SPMIP4: variants seen among roughly 807,000 people sequenced by gnomAD.
The protein encoded by SPMIP4 is sperm microtubule inner protein 4.
the SPMIP4 span, among the ~76,000 whole-genome samples, chr7:25,162,958 A>T: frequency 6.6e-6 from 1 of 151,942 alleles, no homozygotes; most frequent in Non-Finnish European, 1.5e-5. Context: ...AGACAGTTTC[A>T]CCATGTTGGC....
At chr7:25,133,848 TATG>T in the SPMIP4 span, among the ~76,000 whole-genome samples, 1 of 152,178 alleles carries the variant, frequency 6.6e-6, no homozygotes, top group African/African-American at 2.4e-5. Flanking sequence ...CTCTATATAT[TATG>T]TTCTTTTGAT....
At chr7:25,179,157 T>A in the SPMIP4 span, 1 of 1,579,494 alleles carries the variant, frequency 6.3e-7, no homozygotes. Flanking sequence ...TGTTTGCTTT[T>A]TCTAGTTTTT....
At chr7:25,165,692 G>A in the SPMIP4 span, among the ~76,000 whole-genome samples, 1 of 152,216 alleles carries the variant, frequency 6.6e-6, no homozygotes, top group Non-Finnish European at 1.5e-5. Context: ...TTTGCTGCAC[G>A]TTGGAATTAT....
At chr7:25,155,606 G>T in the SPMIP4 span, among the ~76,000 whole-genome samples, 1 of 152,182 alleles carries the variant, frequency 6.6e-6, no homozygotes, top group Non-Finnish European at 1.5e-5. Context: ...TCAGCAAAGT[G>T]ATCTCTAACC....
At chr7:25,178,368 T>C in the SPMIP4 span, among the ~76,000 whole-genome samples, 1 of 152,248 alleles carries the variant, frequency 6.6e-6, no homozygotes, top group South Asian at 2.1e-4. Context: ...CTGGGTCAAA[T>C]GGTAATTCTG....
At chr7:25,161,608 T>A in the SPMIP4 span, among the ~76,000 whole-genome samples, 1 of 139,460 alleles carries the variant, frequency 7.2e-6, no homozygotes, top group African/African-American at 2.5e-5. Context: ...TTTTTATTTA[T>A]TTTATTTATA....
the SPMIP4 span, among the ~76,000 whole-genome samples, chr7:25,158,230 T>C: frequency 3.3e-5 from 5 of 151,776 alleles, no homozygotes; most frequent in African/African-American, 1.2e-4. Context: ...TAGCCAGGCA[T>C]AGTGGTGCAC....
At chr7:25,174,560 T>A in the SPMIP4 span, among the ~76,000 whole-genome samples, 1 of 152,226 alleles carries the variant, frequency 6.6e-6, no homozygotes, top group African/African-American at 2.4e-5. The surrounding 1 kb of genome is among the most constrained non-coding windows in gnomAD (Gnocchi z 4.5). Context: ...ACCCGCATTT[T>A]TAGTTGGCAG....
At chr7:25,134,258 TTAAA>T in the SPMIP4 span, among the ~76,000 whole-genome samples, 7 of 145,338 alleles carry the variant, frequency 4.8e-5, no homozygotes, top group African/African-American at 7.7e-5. Flanking sequence ...AGACTCTGAC[TTAAA>T]CAAAAACAAA....
chr7:25,166,233 C>CTTTTTTTTTTTTT, the SPMIP4 span, among the ~76,000 whole-genome samples: 5 of 131,206 alleles, frequency 3.8e-5, no homozygotes, highest in African/African-American at 5.6e-5. Flanking sequence ...TTTCCGTCTT[C>CTTTTTTTTTTTTT]TTTTTTTTTT....
At chr7:25,155,262 T>C in the SPMIP4 span, 1 of 1,400,496 alleles carries the variant, frequency 7.1e-7, no homozygotes, top group Admixed American at 2.6e-5. Context: ...AAATTAATCA[T>C]CAAAAATTTA....
At chr7:25,150,549 T>C in the SPMIP4 span, among the ~76,000 whole-genome samples, 1 of 152,250 alleles carries the variant, frequency 6.6e-6, no homozygotes. Flanking sequence ...GCCTATCTCA[T>C]GGATTGCTGG....
At chr7:25,170,342 T>C in the SPMIP4 span, among the ~76,000 whole-genome samples, 2 of 152,288 alleles carry the variant, frequency 1.3e-5, no homozygotes, top group Non-Finnish European at 2.9e-5. Flanking sequence ...AATATCTTTA[T>C]TGGAGAAATA....
chr7:25,131,839 A>T, the SPMIP4 span, among the ~76,000 whole-genome samples: 1 of 152,234 alleles, frequency 6.6e-6, no homozygotes, highest in Admixed American at 6.5e-5. The surrounding 1 kb of genome is among the most constrained non-coding windows in gnomAD (Gnocchi z 4.2). Context: ...TGCAGGAACA[A>T]TGGCAAGCCT....
At chr7:25,164,181 T>C in the SPMIP4 span, among the ~76,000 whole-genome samples, 1 of 152,202 alleles carries the variant, frequency 6.6e-6, no homozygotes, top group Non-Finnish European at 1.5e-5. Flanking sequence ...CTTACTGTTA[T>C]ACTTATGGTT....
At chr7:25,133,596 T>C in the SPMIP4 span, among the ~76,000 whole-genome samples, 1 of 152,242 alleles carries the variant, frequency 6.6e-6, no homozygotes, top group Non-Finnish European at 1.5e-5. Context: ...ATATGAAATA[T>C]CTAGTCTTTG....
the SPMIP4 span, among the ~76,000 whole-genome samples, chr7:25,167,142 A>T: frequency 2.6e-5 from 4 of 152,250 alleles, no homozygotes; most frequent in African/African-American, 9.6e-5. Flanking sequence ...TGTAAATTCC[A>T]TACAGAGCTA....
the SPMIP4 span, chr7:25,135,531 A>G: frequency 1.0e-6 from 1 of 982,012 alleles, no homozygotes; most frequent in Non-Finnish European, 1.2e-6. Context: ...ATGTACAAAA[A>G]TTTACATAAA....
chr7:25,168,613 G>A, the SPMIP4 span: 1 of 648,618 alleles, frequency 1.5e-6, no homozygotes, highest in Non-Finnish European at 2.5e-6. Flanking sequence ...GGTAGATTAT[G>A]ATACTGGTTA....
Sources: gnomAD v4.1 joint callset for allele counts (sites outside exome capture counted in the v4.1 genomes callset) on GRCh38, gnomAD v4.1.1 for gene constraint, Gnocchi (gnomAD v3.1) non-coding constraint, MANE v1.5 for transcripts, NCBI Gene and HGNC (gene_info 2026-07-23, HGNC 2026-07-21) for gene names.